Variants in STOML3 observed in about 807,000 individuals in gnomAD.
The protein encoded by STOML3 is stomatin-like protein 3.
A neutral mutation model predicts 29.5 loss-of-function variants in STOML3; 31 were observed. The ratio of observed to expected loss-of-function variants is 1.05; its 90% confidence interval spans 0.79 to 1.42. The LOEUF (loss-of-function observed/expected upper bound fraction) is 1.42, where lower values mean the gene tolerates loss of function less well. STOML3 is among the 40% of genes most tolerant of loss of function. The pLI is 0.00. For missense variants in STOML3, 380 were observed against 363.0 expected (o/e 1.05, Z -0.38); for synonymous variants, 122 against 139.8 (o/e 0.87, Z 0.90).
rs781287629 is a variant in STOML3, at chr13:38,976,782, C to T, written c.68G>A (p.Arg23Gln). Residue 23 changes from arginine (R) to glutamine (Q), a missense_variant, in exon 2 of 7, where the codon CGG (arginine) becomes CAG (glutamine). Transcript: ENST00000379631. ...CAGGATCCAGCCACATACACCAAGC[C>T]GTTTATTGTTGACACCTAGGAAATG... ...KENFVGVNNK[R>Q]LGVCGWILFS... 8 of 1,613,552 alleles carry T rather than the reference C, an allele frequency of 5.0e-6. No individual in the cohort carries two copies. The Admixed American group carries it at 5.0e-5, about 10-fold the overall frequency.
intron 3 of STOML3, among the ~76,000 whole-genome samples, chr13:38,975,213 C>A (rs367924793): frequency 3.3e-5 from 5 of 151,406 alleles, no homozygotes; most frequent in Admixed American, 1.3e-4. Flanking sequence ...CCCAGCTACT[C>A]GGGAGGCTAA....
chr13:38,968,665 TGA>T (rs1880753126), intron 5 of STOML3, 131 bp from the exon 6 acceptor site: 33 of 1,073,310 alleles, frequency 3.1e-5, no homozygotes, highest in Non-Finnish European at 4.1e-5. Flanking sequence ...GCATTTGGAG[TGA>T]GACAATTTAG....
intron 1 of STOML3, among the ~76,000 whole-genome samples, chr13:38,989,841 A>G (rs546934600): frequency 6.6e-6 from 1 of 152,126 alleles, no homozygotes; most frequent in East Asian, 1.9e-4. Flanking sequence ...CGTGTTCTCT[A>G]TTTCTAACAT....
chr13:38,970,469 T>A (rs1880822646), intron 4 of STOML3, 81 bp from the exon 5 acceptor site: 1 of 1,201,800 alleles, frequency 8.3e-7, no homozygotes, highest in Non-Finnish European at 1.2e-6. Flanking sequence ...CCAAGAGCCA[T>A]CCTCCACAGA....
At position 38,990,759 on chromosome 13, in the gene STOML3, A is replaced by G; in HGVS notation, c.-38T>C. 2 of 1,607,216 alleles carry G rather than the reference A, an allele frequency of 1.2e-6. No individual in the cohort carries two copies. Among genetic ancestry groups the G allele is most frequent in the Non-Finnish European group, 1.7e-6 (2 of 1,174,390 alleles). On this transcript the variant is annotated 5_prime_UTR_variant, in exon 1 of 7. The change abolishes an upstream ATG in the 5' untranslated region. Transcript: ENST00000379631. ...AAGCTTTTATACTTGGCAATTTTTC[A>G]TGGGTTTGGAGCTAAGTGTGAAGAA...
intron 3 of STOML3, among the ~76,000 whole-genome samples, chr13:38,973,666 A>G (rs1450818831): frequency 6.6e-6 from 1 of 152,200 alleles, no homozygotes; most frequent in Admixed American, 6.5e-5. Flanking sequence ...TTGGGGGGAC[A>G]CAAATACTCA....
chr13:38,984,426 T>C (rs577410367), intron 1 of STOML3, among the ~76,000 whole-genome samples: 6 of 152,176 alleles, frequency 3.9e-5, no homozygotes, highest in Non-Finnish European at 7.3e-5. Context: ...GAGTTTCTAA[T>C]ACAGTCACAT....
At chr13:38,980,201 C>A in intron 1 of STOML3, 1 of 1,465,500 alleles carries the variant, frequency 6.8e-7, no homozygotes, top group South Asian at 1.2e-5. Flanking sequence ...ATTAGAATCA[C>A]CCAGGCCGCG....
chr13:38,968,337 C>A, intron 6 of STOML3, 63 bp downstream of exon 6: 1 of 1,583,478 alleles, frequency 6.3e-7, no homozygotes, highest in Non-Finnish European at 8.6e-7. Flanking sequence ...TGTTCAAGTC[C>A]TATCCTTGTT....
intron 1 of STOML3, among the ~76,000 whole-genome samples, chr13:38,984,091 G>A (rs762913960): frequency 6.6e-6 from 1 of 152,036 alleles, no homozygotes; most frequent in Admixed American, 6.6e-5. Context: ...CCACAAGGCT[G>A]CCACTCAGAG....
intron 1 of STOML3, among the ~76,000 whole-genome samples, chr13:38,985,902 C>CTTTTTTT (rs1371193997): frequency 5.6e-5 from 2 of 35,434 alleles, no homozygotes; most frequent in Non-Finnish European, 1.1e-4. Context: ...TTTTTTTTTT[C>CTTTTTTT]TTTTCTTTCT....
intron 3 of STOML3, among the ~76,000 whole-genome samples, chr13:38,974,850 G>A (rs1396925080): frequency 6.6e-6 from 1 of 151,990 alleles, no homozygotes; most frequent in Non-Finnish European, 1.5e-5. Context: ...GCTTCTCTTG[G>A]ATCCAATTTT....
At chr13:38,975,758 G>A (rs1309018740) in intron 3 of STOML3, among the ~76,000 whole-genome samples, 1 of 151,998 alleles carries the variant, frequency 6.6e-6, no homozygotes, top group Non-Finnish European at 1.5e-5. Context: ...ATCTTACTTC[G>A]GGGAGTTTTA....
Position 38,978,087 on chromosome 13 carries a change from G to A in STOML3, c.53-1290C>T, listed in dbSNP as rs545592116. On this transcript the variant is annotated intron_variant, in intron 1 of 6. Transcript: ENST00000379631. ...GGATCCTTGTTTGTAAAATAAGCAG[G>A]TCTGGCTGACCCTTTTAATTTAGAA... is the stretch of plus-strand genomic sequence containing the variant. Among the ~76,000 whole-genome samples the A allele has an allele frequency of 1.5e-3, 234 of 151,960 alleles. 1 individual carries two copies. Among genetic ancestry groups the A allele is most frequent in the Middle Eastern group, 0.014 (4 of 294 alleles).
intron 6 of STOML3, among the ~76,000 whole-genome samples, chr13:38,967,947 C>A (rs573265399): frequency 5.9e-5 from 9 of 152,218 alleles, no homozygotes; most frequent in African/African-American, 2.2e-4. Flanking sequence ...ATTCCAGCAA[C>A]GTTTAATATA....
intron 1 of STOML3, 57 bp from the exon 2 acceptor site, chr13:38,976,854 C>A: frequency 1.4e-6 from 2 of 1,461,104 alleles, no homozygotes; most frequent in South Asian, 1.2e-5. Context: ...AAAAGCCACC[C>A]AGCTGCATGG....
Position 38,966,869 on chromosome 13 carries a change from C to A in STOML3, c.832G>T (p.Gly278Cys), listed in dbSNP as rs1190634522. The change falls in exon 7 of 7, where the codon GGC becomes TGC. Residue 278 changes from glycine (G) to cysteine (C), a missense_variant. Gly to Cys is a radical substitution (Grantham distance 159, BLOSUM62 -3). Transcript: ENST00000379631. ...LPMNILEGIG[G>C]VSYDNHKKLP... Reference sequence around the variant, plus strand: ...TTCTTGTGGTTATCATAGCTGACGCCACCAATGCCCTCTAGTATATTCATG... The same window carrying A: ...TTCTTGTGGTTATCATAGCTGACGCAACCAATGCCCTCTAGTATATTCATG... 6.2e-7 allele frequency: 1 copy of A among 1,613,630 alleles called. No homozygotes were observed.
chr13:38,988,035 A>C (rs1413793614), intron 1 of STOML3, among the ~76,000 whole-genome samples: 3 of 110,030 alleles, frequency 2.7e-5, no homozygotes, highest in African/African-American at 1.0e-4. Flanking sequence ...ATTATATTTT[A>C]TATCATATAT....
At chr13:38,971,538 A>G (rs562645231) in intron 4 of STOML3, among the ~76,000 whole-genome samples, 15 of 152,262 alleles carry the variant, frequency 9.9e-5, no homozygotes, top group Admixed American at 2.0e-4. Context: ...TTTGGTTATG[A>G]GAGGGTGATA....
Sources: allele counts gnomAD v4.1 joint callset (sites outside exome capture counted in the v4.1 genomes callset), GRCh38; gene constraint gnomAD v4.1.1; transcripts MANE v1.5; gene names NCBI Gene and HGNC (gene_info 2026-07-23, HGNC 2026-07-21).